Variants in CTDP1 observed in about 807,000 individuals in gnomAD.
CTDP1 encodes CTD phosphatase 1, also known as RNA polymerase II subunit A C-terminal domain phosphatase.
A neutral mutation model predicts 91.8 loss-of-function variants in CTDP1; 47 were observed. The observed-to-expected ratio is 0.51, with a 90% confidence interval of 0.41 to 0.65. The LOEUF is 0.65. Among genes scored for constraint, CTDP1 ranks in the 30% least tolerant of loss-of-function variants. CTDP1 has a pLI of 0.00. For synonymous variants in CTDP1, 656 were observed against 598.5 expected (o/e 1.10, Z -1.40); for missense variants, 1,272 against 1,373.7 (o/e 0.93, Z 1.17).
chr18:79,728,335 A>C (rs1206864472), intron 10 of CTDP1, among the ~76,000 whole-genome samples: 1 of 152,000 alleles, frequency 6.6e-6, no homozygotes, highest in Non-Finnish European at 1.5e-5. Context: ...CCTCACCTGA[A>C]GTGATCCACC....
intron 6 of CTDP1, among the ~76,000 whole-genome samples, chr18:79,710,686 ATTTTTTTTTTTTTTT>A (rs11306504): frequency 3.8e-4 from 34 of 88,504 alleles, no homozygotes; most frequent in African/African-American, 8.0e-4. Context: ...TCGCCCGGCA[ATTTTTTTTTTTTTTT>A]TTTTTTTTTT....
chr18:79,736,639 C>T (rs924009047), intron 12 of CTDP1, 118 bp downstream of exon 12: 1 of 1,085,476 alleles, frequency 9.2e-7, no homozygotes, highest in Non-Finnish European at 1.3e-6. Flanking sequence ...CTGTGTGTGA[C>T]ACCAGCAGCT....
At chr18:79,735,913 C>A in intron 11 of CTDP1, 1 of 209,006 alleles carries the variant, frequency 4.8e-6, no homozygotes, top group Non-Finnish European at 9.9e-6. Flanking sequence ...ACGGCCACGT[C>A]TCCACCCCCA....
At chr18:79,729,512 G>A (rs1599285974) in intron 11 of CTDP1, among the ~76,000 whole-genome samples, 1 of 152,232 alleles carries the variant, frequency 6.6e-6, no homozygotes, top group Non-Finnish European at 1.5e-5. Context: ...TGTGTTGCAC[G>A]TGGGCCTTAA....
rs1384298085 is a variant in CTDP1 at position 79,714,611 on chromosome 18, T to C, written c.1151T>C (p.Leu384Pro). 1 of 1,612,866 alleles carries C rather than the reference T, an allele frequency of 6.2e-7. No individual in the cohort carries two copies. The highest frequency in any genetic ancestry group is 8.5e-7 in the Non-Finnish European group (1 of 1,179,978). Residue 384 changes from leucine to proline, a missense_variant, in exon 8 of 13, where the codon CTG (leucine) becomes CCG (proline). Leu to Pro is a moderately conservative substitution (Grantham distance 98). This residue lies in a region of CTDP1 where 881 missense variants were observed against 911.6 expected (regional missense o/e 0.97). Transcript: ENST00000613122. ...GGCCTGGAGAAGCCTGCACGGGAGC[T>C]GAACGGCAGCGAGGCCGCCACCCCG... Reference protein sequence around the residue: ...SNGLEKPARELNGSEAATPRD... With the variant: ...SNGLEKPAREPNGSEAATPRD...
intron 1 of CTDP1, among the ~76,000 whole-genome samples, chr18:79,689,171 CT>C: frequency 6.6e-6 from 1 of 152,300 alleles, no homozygotes; most frequent in Admixed American, 6.5e-5. Flanking sequence ...CTTCGTCTTT[CT>C]TTCTTTCTGT....
At chr18:79,700,793 G>A (rs1395343141) in intron 4 of CTDP1, among the ~76,000 whole-genome samples, 2 of 152,182 alleles carry the variant, frequency 1.3e-5, no homozygotes, top group African/African-American at 4.8e-5. Context: ...AGCTGGAGAG[G>A]AGAAGTCAGT....
chr18:79,710,082 C>T (rs1042044273), intron 5 of CTDP1, among the ~76,000 whole-genome samples: 3 of 152,146 alleles, frequency 2.0e-5, no homozygotes, highest in Non-Finnish European at 4.4e-5. Context: ...TAGATAGGCA[C>T]TTCAGTAAGA....
chr18:79,679,361 CG>C, upstream of CTDP1: 1 of 451,624 alleles, frequency 2.2e-6, no homozygotes, highest in Non-Finnish European at 4.5e-6. Context: ...CAAGGCATGC[CG>C]GGACCCGTAG....
intron 5 of CTDP1, among the ~76,000 whole-genome samples, chr18:79,707,705 T>C (rs1056429078): frequency 6.6e-6 from 1 of 152,192 alleles, no homozygotes; most frequent in Admixed American, 6.5e-5. Context: ...GAAGACTGTG[T>C]CCAGGCTGTG....
chr18:79,694,896 A>G (rs1014991011), intron 1 of CTDP1, among the ~76,000 whole-genome samples: 1 of 152,212 alleles, frequency 6.6e-6, no homozygotes, highest in African/African-American at 2.4e-5. Context: ...GATCACATAT[A>G]AATAGTGTGT....
At chr18:79,688,070 C>T (rs1197742887) in intron 1 of CTDP1, among the ~76,000 whole-genome samples, 1 of 152,220 alleles carries the variant, frequency 6.6e-6, no homozygotes, top group Non-Finnish European at 1.5e-5. Flanking sequence ...GCTTTACAGC[C>T]ACAGTTTCAG....
rs1262959971 is a variant in CTDP1 at position 79,753,780 on chromosome 18, A to C, written c.2876A>C (p.Asp959Ala). 7.4e-6 allele frequency: 12 copies of C among 1,613,096 alleles called. No individual in the cohort carries two copies. The highest frequency in any genetic ancestry group is 1.0e-5 in the Non-Finnish European group (12 of 1,179,894). The stretch of plus-strand genomic sequence containing the variant: ...AAGGCGCTGGAGGCGGAGCTCAACG[A>C]CCTCATGTGAGCGCGGGCAGCGGGC... ...MAKALEAELNDLM is the reference protein window; with the variant it reads ...MAKALEAELNALM Residue 959 changes from aspartate (D) to alanine (A), a missense_variant, in exon 13 of 13, where the codon GAC (aspartate) becomes GCC (alanine). Transcript: ENST00000613122.
chr18:79,721,545 A>T (rs1314494330), intron 10 of CTDP1, among the ~76,000 whole-genome samples: 3 of 152,202 alleles, frequency 2.0e-5, no homozygotes, highest in African/African-American at 7.2e-5. Flanking sequence ...AAGCAGCCAC[A>T]CGATCAGTAC....
intron 7 of CTDP1, among the ~76,000 whole-genome samples, chr18:79,714,033 C>T (rs1195918344): frequency 6.7e-6 from 1 of 149,450 alleles, no homozygotes; most frequent in East Asian, 2.0e-4. Context: ...CACGGTGGCG[C>T]CAGGTCGTCA....
In CTDP1 at chr18:79,709,638, T is replaced by C. The variant is rs186005039; in HGVS notation, c.773-708T>C. Among the ~76,000 whole-genome samples, 412 of 152,354 alleles carry C rather than the reference T, an allele frequency of 2.7e-3. 4 individuals carry two copies. Among genetic ancestry groups the C allele is most frequent in the Admixed American group, 0.025 (380 of 15,306 alleles). ...AATGTAGCCTAAGCGGATTCTTCGC[T>C]GTGGAAGCACCTTCTGCACTAGCTG... On this transcript the variant is annotated intron_variant, in intron 5 of 12. Coordinates refer to ENST00000613122, the MANE Select transcript of CTDP1 (RefSeq NM_004715.5).
intron 11 of CTDP1, 56 bp from the exon 12 acceptor site, chr18:79,736,299 G>A (rs767027719): frequency 1.3e-5 from 20 of 1,547,554 alleles, no homozygotes; most frequent in Non-Finnish European, 1.7e-5. Flanking sequence ...GAAGCCTGTT[G>A]CGGAGGAACG....
At chr18:79,729,924 G>T (rs895606066) in intron 11 of CTDP1, among the ~76,000 whole-genome samples, 1 of 152,208 alleles carries the variant, frequency 6.6e-6, no homozygotes, top group African/African-American at 2.4e-5. Flanking sequence ...TATCCTCCCT[G>T]CCCGCCTGGC....
At chr18:79,720,777 C>T (rs528121171) in intron 10 of CTDP1, among the ~76,000 whole-genome samples, 26 of 152,130 alleles carry the variant, frequency 1.7e-4, no homozygotes, top group Non-Finnish European at 3.1e-4. Context: ...CTGACGCTGA[C>T]GACCCACGGT....
Sources: gnomAD v4.1 joint callset for allele counts (sites outside exome capture counted in the v4.1 genomes callset) on GRCh38, gnomAD v4.1.1 for gene constraint, gnomAD v4.1.1 regional missense constraint, MANE v1.5 for transcripts, NCBI Gene and HGNC (gene_info 2026-07-23, HGNC 2026-07-21) for gene names.